Variants in NAV1 observed in about 807,000 individuals in gnomAD.
NAV1 encodes neuron navigator 1.
Under a neutral mutation model 175.2 loss-of-function variants are expected in NAV1, and 18 were observed. That is an observed-to-expected ratio of 0.10 (90% CI 0.07 to 0.15). The LOEUF (loss-of-function observed/expected upper bound fraction) is 0.15. NAV1 is among the 10% of genes least tolerant of loss of function. The pLI, the probability that NAV1 is intolerant of heterozygous loss-of-function variation, is 1.00. For missense variants in NAV1, 1,731 were observed against 2,436.6 expected (o/e 0.71, Z 6.10); for synonymous variants, 897 against 978.7 (o/e 0.92, Z 1.56).
chr1:201,681,992 C>T (rs1377135485), intron 1 of NAV1, among the ~76,000 whole-genome samples: 4 of 151,844 alleles, frequency 2.6e-5, no homozygotes, highest in Non-Finnish European at 4.4e-5. Flanking sequence ...GATGCACATC[C>T]GTAATCCCAG....
At chr1:201,789,813 TC>T (rs1489325597) in intron 11 of NAV1, 21 bp downstream of exon 15, 1 of 1,603,546 alleles carries the variant, frequency 6.2e-7, no homozygotes, top group Non-Finnish European at 8.5e-7. Flanking sequence ...TAACTTCTCT[TC>T]CCCTCTCATC....
intron 3 of NAV1, among the ~76,000 whole-genome samples, chr1:201,727,677 G>A (rs1389035787): frequency 6.6e-6 from 1 of 152,224 alleles, no homozygotes; most frequent in Non-Finnish European, 1.5e-5. Flanking sequence ...GACAGGAGTG[G>A]GAAAGTGAGT....
intron 1 of NAV1, among the ~76,000 whole-genome samples, chr1:201,695,807 A>G (rs114222114): frequency 1.6e-3 from 247 of 152,320 alleles, no homozygotes; most frequent in African/African-American, 5.4e-3. Context: ...GGCTCCCCAG[A>G]GCAGTCCCAG....
chr1:201,817,201 C>T (rs772256174), exon 29 of NAV1: 136 of 1,614,018 alleles, frequency 8.4e-5, no homozygotes, highest in Non-Finnish European at 1.0e-4. Flanking sequence ...CCCCACCCAC[C>T]GTGGGCCCTC....
At chr1:201,777,935 GAA>G (rs1170207089) in intron 3 of NAV1, among the ~76,000 whole-genome samples, 2 of 151,980 alleles carry the variant, frequency 1.3e-5, no homozygotes, top group Non-Finnish European at 2.9e-5. Flanking sequence ...AGGAAAGAAA[GAA>G]AGAGAGAGAG....
chr1:201,661,273 C>G (rs946585079), intron 1 of NAV1, among the ~76,000 whole-genome samples: 1 of 152,188 alleles, frequency 6.6e-6, no homozygotes, highest in African/African-American at 2.4e-5. Flanking sequence ...TCGGTTCTCT[C>G]TTGCCCTCCT....
intron 1 of NAV1, among the ~76,000 whole-genome samples, chr1:201,554,673 G>A (rs1557994717): frequency 6.6e-6 from 1 of 152,186 alleles, no homozygotes; most frequent in Non-Finnish European, 1.5e-5. Flanking sequence ...TGGACTGAAA[G>A]TTGAGTCCCT....
chr1:201,785,741 C>T (rs1676694793), intron 8 of NAV1, among the ~76,000 whole-genome samples: 1 of 148,942 alleles, frequency 6.7e-6, no homozygotes, highest in Non-Finnish European at 1.5e-5. Context: ...TGGTCATCCA[C>T]TGTTCTGACA....
intron 1 of NAV1, among the ~76,000 whole-genome samples, chr1:201,583,230 G>A (rs1353947415): frequency 1.3e-5 from 2 of 152,238 alleles, no homozygotes; most frequent in East Asian, 1.9e-4. Flanking sequence ...CGTCAGGCTC[G>A]CCCGTGTTGG....
intron 1 of NAV1, among the ~76,000 whole-genome samples, chr1:201,691,511 G>A (rs1670942304): frequency 6.6e-6 from 1 of 152,180 alleles, no homozygotes; most frequent in Non-Finnish European, 1.5e-5. Flanking sequence ...ACAAACAAAT[G>A]AATGAGGAAG....
intron 2 of NAV1, among the ~76,000 whole-genome samples, chr1:201,642,634 C>T (rs1313220309): frequency 6.8e-6 from 1 of 147,856 alleles, no homozygotes; most frequent in African/African-American, 2.5e-5. Context: ...CCTTTTCCTT[C>T]CTTCCTTCCT....
intron 2 of NAV1, among the ~76,000 whole-genome samples, chr1:201,716,217 A>G (rs1672135830): frequency 6.6e-6 from 1 of 152,160 alleles, no homozygotes; most frequent in African/African-American, 2.4e-5. Flanking sequence ...TATGGTTAGC[A>G]TCATCCTCTT....
At chr1:201,567,744 G>A (rs966000812) in intron 1 of NAV1, among the ~76,000 whole-genome samples, 1 of 152,124 alleles carries the variant, frequency 6.6e-6, no homozygotes, top group African/African-American at 2.4e-5. Flanking sequence ...GCACAGACAT[G>A]TCTACCCATG....
At chr1:201,756,807 TC>T (rs1674496903) in intron 3 of NAV1, among the ~76,000 whole-genome samples, 1 of 23,430 alleles carries the variant, frequency 4.3e-5, no homozygotes, top group Non-Finnish European at 9.6e-5. Flanking sequence ...TTTCTTTCTT[TC>T]CTTCTTTCTT....
chr1:201,769,721 TAA>T (rs1236264864), intron 3 of NAV1, among the ~76,000 whole-genome samples: 2 of 151,924 alleles, frequency 1.3e-5, no homozygotes, highest in Non-Finnish European at 2.9e-5. Context: ...TCCAATTCCA[TAA>T]ACTCTACTGG....
chr1:201,589,637 G>A (rs1000056753), intron 2 of NAV1, among the ~76,000 whole-genome samples: 2 of 152,042 alleles, frequency 1.3e-5, no homozygotes, highest in Non-Finnish European at 2.9e-5. Flanking sequence ...GACCACAGGC[G>A]CACACCACCA....
intron 2 of NAV1, among the ~76,000 whole-genome samples, chr1:201,613,808 G>A (rs1198739296): frequency 6.6e-6 from 1 of 152,136 alleles, no homozygotes; most frequent in Non-Finnish European, 1.5e-5. Flanking sequence ...GTTGCAGTGA[G>A]CCAAGATCAC....
At chr1:201,563,340 C>A (rs1218727310) in intron 1 of NAV1, among the ~76,000 whole-genome samples, 1 of 152,122 alleles carries the variant, frequency 6.6e-6, no homozygotes, top group Non-Finnish European at 1.5e-5. Flanking sequence ...TGCCACTGAC[C>A]CAACACGATT....
At chr1:201,799,084 G>C (rs1239600716) in intron 15 of NAV1, among the ~76,000 whole-genome samples, 1 of 150,636 alleles carries the variant, frequency 6.6e-6, no homozygotes, top group African/African-American at 2.4e-5. Flanking sequence ...TCAAAAAAAA[G>C]AAAAAAAGAA....
Sources: gnomAD v4.1 joint callset for allele counts (sites outside exome capture counted in the v4.1 genomes callset) on GRCh38, gnomAD v4.1.1 for gene constraint, MANE v1.5 for transcripts, NCBI Gene and HGNC (gene_info 2026-07-23, HGNC 2026-07-21) for gene names.